Variants in ZDHHC15 observed in about 807,000 individuals in gnomAD.
The protein encoded by ZDHHC15 is palmitoyltransferase ZDHHC15.
A neutral mutation model predicts 31.7 loss-of-function variants in ZDHHC15; 19 were observed. That is an observed-to-expected ratio of 0.60 (90% confidence interval 0.42 to 0.88). The LOEUF is 0.88. Among genes scored for constraint, ZDHHC15 ranks in the 40% least tolerant of loss-of-function variants. ZDHHC15 has a pLI of 0.00. For missense variants in ZDHHC15, 209 were observed against 251.2 expected (o/e 0.83, Z 1.14); for synonymous variants, 103 against 90.0 (o/e 1.14, Z -0.82).
intron 8 of ZDHHC15, 62 bp downstream of exon 8, chrX:75,424,590 A>G: frequency 9.2e-7 from 1 of 1,088,997 alleles, no homozygotes. Flanking sequence ...ATTGGGAACA[A>G]TTCACAGGTC....
intron 3 of ZDHHC15, among the ~76,000 whole-genome samples, chrX:75,458,991 C>CAAAA (rs775652299): frequency 2.6e-4 from 4 of 15,568 alleles, no homozygotes; most frequent in African/African-American, 2.8e-4. Flanking sequence ...GGCACAGAGA[C>CAAAA]AAAAAAAAAA....
At chrX:75,494,163 T>C (rs909558687) in intron 2 of ZDHHC15, among the ~76,000 whole-genome samples, 2 of 111,224 alleles carry the variant, frequency 1.8e-5, no homozygotes, top group South Asian at 3.8e-4. Flanking sequence ...AGCCAAATCA[T>C]GAGTGAACTC....
intron 5 of ZDHHC15, among the ~76,000 whole-genome samples, chrX:75,430,914 T>A (rs2083771830): frequency 9.0e-6 from 1 of 111,256 alleles, no homozygotes; most frequent in Admixed American, 9.6e-5. Context: ...TACTTGACCA[T>A]TAATCCTAAA....
At chrX:75,429,893 A>T in intron 6 of ZDHHC15, 55 bp downstream of exon 6, 1 of 1,139,591 alleles carries the variant, frequency 8.8e-7, no homozygotes, top group Non-Finnish European at 1.2e-6. Flanking sequence ...AAAAGTGCAT[A>T]TAATTGAGCA....
chrX:75,394,444 A>C (rs1356660537), intron 10 of ZDHHC15, among the ~76,000 whole-genome samples: 1 of 110,826 alleles, frequency 9.0e-6, no homozygotes, highest in Non-Finnish European at 1.9e-5. Context: ...GAAAAAAAAA[A>C]ACAAGACCCG....
chrX:75,444,879 C>G (rs2084011837), intron 4 of ZDHHC15, among the ~76,000 whole-genome samples: 1 of 108,382 alleles, frequency 9.2e-6, no homozygotes. Context: ...GTCTGTCAGA[C>G]TGGGACTTAC....
chrX:75,515,456 C>T (rs2085341876), intron 1 of ZDHHC15, among the ~76,000 whole-genome samples: 1 of 111,483 alleles, frequency 9.0e-6, no homozygotes, highest in Admixed American at 9.5e-5. Flanking sequence ...CGTAGTCCAT[C>T]ATATAAACAG....
chrX:75,502,671 T>C (rs941571359), intron 2 of ZDHHC15, among the ~76,000 whole-genome samples: 6 of 110,990 alleles, frequency 5.4e-5, no homozygotes, highest in Non-Finnish European at 9.5e-5. Flanking sequence ...CATTCCTAAA[T>C]TTATCTCTTA....
chrX:75,449,201 TACACACACACACACACACACACACAC>T (rs3075226), intron 4 of ZDHHC15, among the ~76,000 whole-genome samples: 12 of 76,665 alleles, frequency 1.6e-4, no homozygotes, highest in African/African-American at 4.4e-4. Context: ...TCTCTCTCTA[TACACACACACACACACACACACACAC>T]ACACACACAC....
At chrX:75,457,641 A>G (rs1020060153) in intron 3 of ZDHHC15, among the ~76,000 whole-genome samples, 1 of 90,609 alleles carries the variant, frequency 1.1e-5, no homozygotes. Flanking sequence ...AGTTTTATTT[A>G]CACTCACACA....
chrX:75,500,266 G>T (rs1290966211), intron 2 of ZDHHC15, among the ~76,000 whole-genome samples: 1 of 106,914 alleles, frequency 9.4e-6, no homozygotes, highest in Admixed American at 1.0e-4. Context: ...CAAAACTATT[G>T]AAATAATAAT....
intron 3 of ZDHHC15, among the ~76,000 whole-genome samples, chrX:75,469,352 A>G (rs2084466518): frequency 8.9e-6 from 1 of 111,898 alleles, no homozygotes; most frequent in Non-Finnish European, 1.9e-5. Flanking sequence ...AACTTTATTC[A>G]TCTTCCCAAA....
intron 10 of ZDHHC15, among the ~76,000 whole-genome samples, chrX:75,398,564 AC>A (rs758989621): frequency 5.4e-5 from 6 of 111,722 alleles, no homozygotes; most frequent in African/African-American, 1.6e-4. Flanking sequence ...TCTGAAGTGG[AC>A]CCCCCAGCAA....
chrX:75,473,909 G>A (rs1266508004), intron 3 of ZDHHC15, among the ~76,000 whole-genome samples: 1 of 111,640 alleles, frequency 9.0e-6, no homozygotes, highest in Non-Finnish European at 1.9e-5. Context: ...ATAGCATTTG[G>A]TTTGGGTATT....
At chrX:75,413,700 A>C (rs1431186209) in intron 10 of ZDHHC15, among the ~76,000 whole-genome samples, 1 of 110,933 alleles carries the variant, frequency 9.0e-6, no homozygotes, top group Non-Finnish European at 1.9e-5. Flanking sequence ...AACAAAAACA[A>C]AACAAAACAA....
intron 10 of ZDHHC15, among the ~76,000 whole-genome samples, chrX:75,388,212 G>A (rs955799211): frequency 1.1e-4 from 12 of 112,378 alleles, no homozygotes; most frequent in Non-Finnish European, 5.6e-5. Context: ...CAATTTGAAA[G>A]AATGCAAAAA....
chrX:75,454,225 G>A (rs1293684399), intron 3 of ZDHHC15, among the ~76,000 whole-genome samples: 1 of 111,708 alleles, frequency 9.0e-6, no homozygotes, highest in Admixed American at 9.5e-5. Flanking sequence ...AAAATCACAA[G>A]CATTCTTATA....
chrX:75,447,202 G>A (rs2084045893), intron 4 of ZDHHC15, among the ~76,000 whole-genome samples: 1 of 112,059 alleles, frequency 8.9e-6, no homozygotes, highest in African/African-American at 3.2e-5. Context: ...TCTCTGGGGT[G>A]ATGAGCCATC....
intron 3 of ZDHHC15, among the ~76,000 whole-genome samples, chrX:75,475,812 T>C (rs1299082125): frequency 1.8e-5 from 2 of 112,163 alleles, no homozygotes; most frequent in Non-Finnish European, 3.8e-5. Context: ...TTGGATAGTA[T>C]TTACGTTTTA....
Sources: allele counts gnomAD v4.1 joint callset (sites outside exome capture counted in the v4.1 genomes callset), GRCh38; gene constraint gnomAD v4.1.1; transcripts MANE v1.5; gene names NCBI Gene and HGNC (gene_info 2026-07-23, HGNC 2026-07-21).